PAX3: variants seen among roughly 807,000 people sequenced by gnomAD.
PAX3 encodes the protein paired box 3, also known as paired box protein Pax-3.
A neutral mutation model predicts 51.6 loss-of-function variants in PAX3; 14 were observed. That is an observed-to-expected ratio of 0.27 (90% CI 0.18 to 0.42). The LOEUF (loss-of-function observed/expected upper bound fraction) is 0.42. PAX3 is among the 10% of genes least tolerant of loss of function. The pLI, the probability that PAX3 is intolerant of heterozygous loss-of-function variation, is 1.00. For missense variants in PAX3, 540 were observed against 642.8 expected (o/e 0.84, Z 1.73); for synonymous variants, 280 against 253.4 (o/e 1.11, Z -1.00).
chr2:222,259,694 C>T (rs75603762), intron 4 of PAX3, among the ~76,000 whole-genome samples: 1 of 152,044 alleles, frequency 6.6e-6, no homozygotes, highest in Non-Finnish European at 1.5e-5. Context: ...ATAAATTTTG[C>T]CTCAGGATCA....
chr2:222,287,942 C>A (rs982946603), intron 4 of PAX3, among the ~76,000 whole-genome samples: 3 of 152,230 alleles, frequency 2.0e-5, no homozygotes, highest in Non-Finnish European at 4.4e-5. Flanking sequence ...ACCCCACACA[C>A]AGGCAGATCC....
chr2:222,210,144 C>T (rs1363878176), intron 7 of PAX3, among the ~76,000 whole-genome samples: 1 of 152,178 alleles, frequency 6.6e-6, no homozygotes, highest in Non-Finnish European at 1.5e-5. Flanking sequence ...ACTGCACAGG[C>T]AACTTGATGT....
At chr2:222,296,646 G>C (rs1355829457) in intron 2 of PAX3, among the ~76,000 whole-genome samples, 2 of 152,192 alleles carry the variant, frequency 1.3e-5, no homozygotes, top group Admixed American at 6.5e-5. Flanking sequence ...ACTTAGGGAA[G>C]AAATCGGCAA....
At position 222,295,411 on chromosome 2, in the gene PAX3, G is replaced by A. The variant is rs2106199890; in HGVS notation, c.451+117C>T. 3 of 1,250,684 alleles carry A rather than the reference G, an allele frequency of 2.4e-6. No homozygotes were observed. In the South Asian group the frequency reaches 3.6e-5, roughly 15 times the overall value. The allele number at this position is 1,250,684 out of a possible 1,614,324, so 77.5% of individuals were successfully genotyped here. A position where few individuals can be genotyped will look rare whatever the true frequency, so the allele number is the denominator to read the frequency against. On this transcript the variant is annotated intron_variant, in intron 3 of 8. Transcript: ENST00000392070. ...GTTGGCAAATATTGCAGGGCCTCGGGAGAGGCCACCTCCCAATAGCTGAGA... is the reference window on the plus strand; with the variant it reads ...GTTGGCAAATATTGCAGGGCCTCGGAAGAGGCCACCTCCCAATAGCTGAGA...
chr2:222,254,576 T>C (rs1465370820), intron 4 of PAX3, among the ~76,000 whole-genome samples: 1 of 152,194 alleles, frequency 6.6e-6, no homozygotes, highest in Non-Finnish European at 1.5e-5. Context: ...TCCATCAGTG[T>C]CATAATTACT....
chr2:222,287,006 CT>C (rs1437831934), intron 4 of PAX3, among the ~76,000 whole-genome samples: 27 of 152,182 alleles, frequency 1.8e-4, no homozygotes, highest in Non-Finnish European at 7.3e-5. Flanking sequence ...TATACATATT[CT>C]CTTCATTTTG....
At chr2:222,244,734 C>CAAAAAAAAAAAAAAAAAAAAAAAA (rs35127003) in intron 4 of PAX3, among the ~76,000 whole-genome samples, 6 of 109,722 alleles carry the variant, frequency 5.5e-5, no homozygotes, top group African/African-American at 2.0e-4. Context: ...TATTGTTCAC[C>CAAAAAAAAAAAAAAAAAAAAAAAA]AAAAAAAAAA....
rs139043995 is a variant in PAX3, at chr2:222,251,249, C to T, written c.587-18966G>A. Among the ~76,000 whole-genome samples the T allele has an allele frequency of 2.7e-3, 404 of 151,898 alleles. 2 individuals are homozygous for T. The highest frequency in any genetic ancestry group is 9.3e-3 in the African/African-American group (385 of 41,448). ...AGGTATATCTCCTAATGCTATCCCTCCACCCTCCCCCAACCCCACAACAGG... is the reference window on the plus strand; with the variant it reads ...AGGTATATCTCCTAATGCTATCCCTTCACCCTCCCCCAACCCCACAACAGG... On this transcript the variant is annotated intron_variant, in intron 4 of 8. Transcript: ENST00000392070.
intron 4 of PAX3, chr2:222,242,810 C>T (rs1693066591): frequency 6.6e-6 from 1 of 152,152 alleles, no homozygotes; most frequent in Non-Finnish European, 1.5e-5. Context: ...GAAATCTAAA[C>T]CTTAGCTATA....
At chr2:222,242,208 G>A (rs1467983213) in intron 4 of PAX3, among the ~76,000 whole-genome samples, 1 of 152,116 alleles carries the variant, frequency 6.6e-6, no homozygotes, top group Non-Finnish European at 1.5e-5. Flanking sequence ...ATCCAAGTGT[G>A]TTTCGTCCAT....
intron 4 of PAX3, among the ~76,000 whole-genome samples, chr2:222,283,754 C>T (rs1432610333): frequency 6.6e-6 from 1 of 152,264 alleles, no homozygotes; most frequent in African/African-American, 2.4e-5. Context: ...CGGCTGCCTG[C>T]TGCGAAGCCT....
chr2:222,207,528 G>C (rs923401050), intron 7 of PAX3, among the ~76,000 whole-genome samples: 8 of 152,188 alleles, frequency 5.3e-5, no homozygotes. Context: ...CTTAATGCAT[G>C]ATGAAAAAGT....
At chr2:222,232,328 A>G in intron 4 of PAX3, 45 bp from the exon 5 acceptor site, 1 of 1,550,632 alleles carries the variant, frequency 6.4e-7, no homozygotes, top group Non-Finnish European at 8.9e-7. Context: ...TGAATCAAAA[A>G]AATAAAACTG....
chr2:222,224,838 CT>C (rs1190234772), intron 5 of PAX3, among the ~76,000 whole-genome samples: 1 of 152,074 alleles, frequency 6.6e-6, no homozygotes, highest in Non-Finnish European at 1.5e-5. Context: ...GTTACACTTT[CT>C]AGAAATTTCC....
chr2:222,221,125 T>C (rs1574647619), intron 6 of PAX3, 97 bp downstream of exon 6: 1 of 1,117,834 alleles, frequency 8.9e-7, no homozygotes, highest in Non-Finnish European at 1.4e-6. Context: ...ATTAACAACA[T>C]GGTGTCAGTA....
chr2:222,239,455 G>T (rs1287792882), intron 4 of PAX3, among the ~76,000 whole-genome samples: 1 of 152,096 alleles, frequency 6.6e-6, no homozygotes, highest in African/African-American at 2.4e-5. Flanking sequence ...AAGCTAAGAA[G>T]TAATCAGCGA....
chr2:222,275,559 C>A (rs570351927), intron 4 of PAX3, among the ~76,000 whole-genome samples: 3 of 152,108 alleles, frequency 2.0e-5, no homozygotes, highest in African/African-American at 4.8e-5. Context: ...GAATATATAG[C>A]TGAAAAGTCA....
intron 7 of PAX3, among the ~76,000 whole-genome samples, chr2:222,203,145 GA>G (rs111239831): frequency 0.069 from 9,336 of 136,284 alleles, 994 homozygotes; most frequent in African/African-American, 0.23. Flanking sequence ...AGACAACTTG[GA>G]AAAAAAAAAA....
At chr2:222,222,771 T>G (rs1692246344) in intron 5 of PAX3, among the ~76,000 whole-genome samples, 1 of 152,214 alleles carries the variant, frequency 6.6e-6, no homozygotes, top group Non-Finnish European at 1.5e-5. Context: ...ACTCTGGTAG[T>G]TTGATGCCTT....
Sources: allele counts gnomAD v4.1 joint callset (sites outside exome capture counted in the v4.1 genomes callset), GRCh38; gene constraint gnomAD v4.1.1; transcripts MANE v1.5; gene names NCBI Gene and HGNC (gene_info 2026-07-23, HGNC 2026-07-21).